GPBP1L1: variants seen among roughly 807,000 people sequenced by gnomAD.
The protein encoded by GPBP1L1 is vasculin-like protein 1.
Under a neutral mutation model 52.5 loss-of-function variants are expected in GPBP1L1, and 23 were observed. The observed-to-expected ratio is 0.44, with a 90% confidence interval of 0.32 to 0.62. The LOEUF (loss-of-function observed/expected upper bound fraction) is 0.62. Among genes scored for constraint, GPBP1L1 ranks in the 20% least tolerant of loss-of-function variants. The probability of loss-of-function intolerance (pLI) is 0.06; values close to 1 mark genes in which losing one functional copy is unlikely to be tolerated. For synonymous variants in GPBP1L1, 243 were observed against 203.1 expected (o/e 1.20, Z -1.67); for missense variants, 596 against 579.3 (o/e 1.03, Z -0.30).
upstream of GPBP1L1, chr1:45,687,023 G>C (rs1260504570): frequency 6.6e-6 from 1 of 152,314 alleles, no homozygotes; most frequent in Non-Finnish European, 1.5e-5. Context: ...CGGTTTCGGA[G>C]GAACGTGTGT....
intron 2 of GPBP1L1, among the ~76,000 whole-genome samples, chr1:45,678,163 T>C (rs1645169626): frequency 1.3e-5 from 2 of 152,208 alleles, no homozygotes; most frequent in Non-Finnish European, 2.9e-5. Context: ...GAATGAAGAA[T>C]GACTGGTAAT....
At chr1:45,665,721 G>A (rs1645002063) in intron 2 of GPBP1L1, among the ~76,000 whole-genome samples, 1 of 143,446 alleles carries the variant, frequency 7.0e-6, no homozygotes, top group East Asian at 2.0e-4. Flanking sequence ...TCCAGCCTGG[G>A]CAACAGAGCG....
At chr1:45,667,461 T>C (rs1645024620) in intron 2 of GPBP1L1, among the ~76,000 whole-genome samples, 1 of 152,284 alleles carries the variant, frequency 6.6e-6, no homozygotes, top group South Asian at 2.1e-4. Context: ...TAATTTTATA[T>C]TTTATAATTA....
intron 10 of GPBP1L1, among the ~76,000 whole-genome samples, chr1:45,631,305 C>T (rs1260959313): frequency 6.6e-6 from 1 of 152,172 alleles, no homozygotes; most frequent in African/African-American, 2.4e-5. Flanking sequence ...CTCTGTTGCT[C>T]AGGCTGGAGT....
intron 2 of GPBP1L1, among the ~76,000 whole-genome samples, chr1:45,666,543 A>T (rs907908953): frequency 6.6e-6 from 1 of 152,174 alleles, no homozygotes. Flanking sequence ...TATGGTAAGG[A>T]TTCAAAAGTT....
Position 45,635,193 on chromosome 1 carries a change from A to G in GPBP1L1, c.745-957T>C, listed in dbSNP as rs554260575. 8 of 152,360 alleles carry G rather than the reference A, an allele frequency of 5.3e-5. No homozygotes were observed. The East Asian group carries it at 1.5e-3, about 29-fold the overall frequency. 9.4% of individuals were successfully genotyped at this position (152,360 alleles called of 1,614,324 possible). ...TTACGCTGACTTTTAATAGAGGATG[A>G]CACTGACAATAAGGAAGTTCCACAA... On this transcript the variant is annotated intron_variant, in intron 8 of 12. Transcript: ENST00000355105.
chr1:45,679,891 CAAAAAAAA>C lies in GPBP1L1; in HGVS notation c.-1098+5677_-1098+5684del, dbSNP rs61208985. Among the ~76,000 whole-genome samples the C allele has an allele frequency of 3.2e-3, 280 of 88,178 alleles. 4 individuals carry two copies. The highest frequency in any genetic ancestry group is 0.011 in the African/African-American group (258 of 22,564). The allele number at this position is 88,178 out of a possible 152,430, so 57.8% of individuals were successfully genotyped here. A position where few individuals can be genotyped will look rare whatever the true frequency, so the allele number is the denominator to read the frequency against. ...CAACAGTGAGAGACTCTTATCTATA[CAAAAAAAA>C]AAAAAAAAAAAAATTAGCCAGGCAT... On this transcript the variant is annotated intron_variant, in intron 2 of 12. Transcript: ENST00000355105.
At chr1:45,667,441 C>CA (rs1380101132) in intron 2 of GPBP1L1, among the ~76,000 whole-genome samples, 1 of 152,254 alleles carries the variant, frequency 6.6e-6, no homozygotes, top group East Asian at 1.9e-4. Flanking sequence ...CGGTACTTCA[C>CA]AACATGACCT....
rs923630162 is a variant in GPBP1L1, at chr1:45,660,728, C to T, written c.-600G>A. On this transcript the variant is annotated 5_prime_UTR_variant, in exon 3 of 13. Coordinates refer to ENST00000355105, the MANE Select transcript of GPBP1L1 (RefSeq NM_021639.5). Reference sequence around the variant, plus strand: ...ATGACAAAGTCCTTAAAATACAAATCTCATTACTCTTACTCATGCAACTGC... The same window carrying T: ...ATGACAAAGTCCTTAAAATACAAATTTCATTACTCTTACTCATGCAACTGC... The T allele has an allele frequency of 2.4e-5, 4 of 168,674 alleles. No homozygotes were observed. Among genetic ancestry groups the T allele is most frequent in the African/African-American group, 9.6e-5 (4 of 41,658 alleles). The allele number at this position is 168,674 out of a possible 1,614,324, so 10.4% of individuals were successfully genotyped here. A position where few individuals can be genotyped will look rare whatever the true frequency, so the allele number is the denominator to read the frequency against.
chr1:45,676,032 C>T (rs1645135321), intron 2 of GPBP1L1, among the ~76,000 whole-genome samples: 2 of 152,142 alleles, frequency 1.3e-5, no homozygotes, highest in Non-Finnish European at 2.9e-5. Context: ...AGTCTATATA[C>T]TCATTTTCTA....
At chr1:45,655,386 G>C (rs759911985) in intron 4 of GPBP1L1, 67 bp from the exon 5 acceptor site, 4 of 1,541,476 alleles carry the variant, frequency 2.6e-6, no homozygotes, top group Admixed American at 1.8e-5. Context: ...TATCTTAATA[G>C]GCTTTGCATC....
At chr1:45,644,036 T>C (rs1352570977) in intron 6 of GPBP1L1, among the ~76,000 whole-genome samples, 3 of 152,286 alleles carry the variant, frequency 2.0e-5, no homozygotes, top group South Asian at 4.1e-4. Context: ...CAGGCTCCAC[T>C]ACAGAGCTTC....
intron 2 of GPBP1L1, among the ~76,000 whole-genome samples, chr1:45,675,818 G>C (rs1295625628): frequency 6.6e-6 from 1 of 152,184 alleles, no homozygotes; most frequent in Non-Finnish European, 1.5e-5. Flanking sequence ...TAGGATTACA[G>C]GCATGAGCCA....
At position 45,655,313 on chromosome 1, in the gene GPBP1L1, T is replaced by A; in HGVS notation, c.67A>T (p.Thr23Ser). The A allele has an allele frequency of 5.0e-6, 8 of 1,614,086 alleles. No individual in the cohort carries two copies. The highest frequency in any genetic ancestry group is 6.8e-6 in the Non-Finnish European group (8 of 1,179,938). ...FSTPQSAKSPTATFEKHGEHL... is the reference protein window; with the variant it reads ...FSTPQSAKSPSATFEKHGEHL... ...TCTCCGTGTTTTTCGAAGGTGGCAG[T>A]AGGTGACTAAGATGATGAAGTATGG... is the stretch of plus-strand genomic sequence containing the variant. The change falls in exon 5 of 13, where the codon ACT (threonine) becomes TCT (serine). Residue 23 changes from threonine to serine, a missense_variant. By Grantham distance (58) the Thr-to-Ser change is moderately conservative (BLOSUM62 1). Transcript: ENST00000355105.
chr1:45,677,559 A>G (rs893713039), intron 2 of GPBP1L1, among the ~76,000 whole-genome samples: 4 of 152,132 alleles, frequency 2.6e-5, no homozygotes, highest in South Asian at 2.1e-4. Flanking sequence ...ATGGATATGT[A>G]AAGTCTATTA....
chr1:45,660,492 C>G lies in GPBP1L1; in HGVS notation c.-364G>C, dbSNP rs1644935792. On this transcript the variant is annotated 5_prime_UTR_variant, in exon 3 of 13. Coordinates refer to ENST00000355105, the MANE Select transcript of GPBP1L1 (RefSeq NM_021639.5). Reference sequence around the variant, plus strand: ...GGGGAAAGAGCTGTATCTATGTTCACCTCATTCAACTTCCTTGAGTTATGG... The same window carrying G: ...GGGGAAAGAGCTGTATCTATGTTCAGCTCATTCAACTTCCTTGAGTTATGG... The G allele has an allele frequency of 2.0e-6, 2 of 980,386 alleles. No homozygotes were observed. Among genetic ancestry groups the G allele is most frequent in the South Asian group, 9.4e-5 (2 of 21,198 alleles). The allele number at this position is 980,386 out of a possible 1,614,324, so 60.7% of individuals were successfully genotyped here.
chr1:45,655,945 A>AT (rs1349869542), intron 4 of GPBP1L1: 1 of 152,304 alleles, frequency 6.6e-6, no homozygotes, highest in African/African-American at 2.4e-5. Flanking sequence ...AATTTTCTAA[A>AT]TTTTTTGTAG....
intron 10 of GPBP1L1, among the ~76,000 whole-genome samples, chr1:45,630,935 G>A (rs941466684): frequency 1.3e-4 from 20 of 152,144 alleles, no homozygotes; most frequent in Non-Finnish European, 2.1e-4. Flanking sequence ...GGTGTGGGGG[G>A]AAAAAGTGTG....
At chr1:45,637,169 CTT>C (rs1042864535) in intron 8 of GPBP1L1, among the ~76,000 whole-genome samples, 25 of 152,324 alleles carry the variant, frequency 1.6e-4, no homozygotes, top group Admixed American at 1.4e-3. Flanking sequence ...ACAGTAAACT[CTT>C]TGCGATTACA....
Sources: gnomAD v4.1 joint callset for allele counts (sites outside exome capture counted in the v4.1 genomes callset) on GRCh38, gnomAD v4.1.1 for gene constraint, MANE v1.5 for transcripts, NCBI Gene and HGNC (gene_info 2026-07-23, HGNC 2026-07-21) for gene names.